The following ATAD2 variants were observed in gnomAD, a reference collection of about 807,000 sequenced individuals.
The protein encoded by ATAD2 is ATPase family AAA domain containing 2.
A neutral mutation model predicts 168.9 loss-of-function variants in ATAD2; 62 were observed. The observed-to-expected ratio is 0.37, with a 90% CI of 0.30 to 0.45. ATAD2 has a LOEUF of 0.45. ATAD2 is among the 20% of genes least tolerant of loss of function. The probability of loss-of-function intolerance (pLI) is 1.00; values close to 1 mark genes in which losing one functional copy is unlikely to be tolerated. For missense variants in ATAD2, 1,419 were observed against 1,667.8 expected, an observed-to-expected ratio of 0.85 and a Z score of 2.60; for synonymous variants, 613 against 571.6, an observed-to-expected ratio of 1.07 and a Z score of -1.03.
At chr8:123,373,019 A>T (rs1586892363) in intron 2 of ATAD2, among the ~76,000 whole-genome samples, 1 of 151,648 alleles carries the variant, frequency 6.6e-6, no homozygotes, top group Non-Finnish European at 1.5e-5. Flanking sequence ...CAGCTTCCCG[A>T]ATAGTTGGGA....
At chr8:123,328,679 A>T in intron 24 of ATAD2, 100 bp from the exon 25 acceptor site, 1 of 1,200,578 alleles carries the variant, frequency 8.3e-7, no homozygotes, top group Non-Finnish European at 1.1e-6. Flanking sequence ...AATAGTGAGA[A>T]ACCACAGTAT....
chr8:123,379,164 C>T (rs955447766), intron 2 of ATAD2, among the ~76,000 whole-genome samples: 2 of 152,062 alleles, frequency 1.3e-5, no homozygotes, highest in African/African-American at 4.8e-5. Context: ...CAAAGATATT[C>T]CAGTTCCATG....
chr8:123,396,448 GGCGCCACAAGCTCC>G, upstream of ATAD2: 1 of 1,343,096 alleles, frequency 7.4e-7, no homozygotes, highest in African/African-American at 1.5e-5. Context: ...TCCGAATTCT[GGCGCCACAAGCTCC>G]GCGCCAGCGG....
rs778259415 is a variant in ATAD2 at position 123,337,624 on chromosome 8, C to T, written c.3051+1G>A. The T allele has an allele frequency of 1.3e-6, 2 of 1,594,684 alleles. No individual in the cohort carries two copies. The highest frequency in any genetic ancestry group is 2.7e-5 in the African/African-American group (2 of 74,316). ...ACTTGATCCAAAGATTAAACTAATA[C>T]CTCATCAGGGTCAACAGGCTTAGTA... On this transcript the variant is annotated splice_donor_variant, in intron 21 of 27. Transcript: ENST00000287394. LOFTEE classifies it high-confidence loss of function.
rs1388184995 is a variant in ATAD2 at position 123,392,228 on chromosome 8, G to A, written c.171+3959C>T. ...AAAAAAAGTCAAAATCCAAGTCCCC[G>A]TGCAGTTACATTCTGATTGGGGAAG... On this transcript the variant is annotated intron_variant, in intron 1 of 27. Coordinates refer to ENST00000287394, the MANE Select transcript of ATAD2 (RefSeq NM_014109.4). 5.3e-5 allele frequency among the ~76,000 whole-genome samples: 8 copies of A among 152,188 alleles called. No homozygotes were observed. In the East Asian group the frequency reaches 7.7e-4, roughly 15 times the overall value.
At chr8:123,393,320 G>C (rs1362184551) in intron 1 of ATAD2, among the ~76,000 whole-genome samples, 1 of 152,078 alleles carries the variant, frequency 6.6e-6, no homozygotes, top group Non-Finnish European at 1.5e-5. Context: ...AGACCAGCCT[G>C]AGCAACATAG....
chr8:123,374,008 A>T (rs1411106754), intron 2 of ATAD2, among the ~76,000 whole-genome samples: 1 of 152,152 alleles, frequency 6.6e-6, no homozygotes, highest in African/African-American at 2.4e-5. Context: ...TATTCTCATT[A>T]ACAAAGTAAG....
In ATAD2 at chr8:123,326,015, G is replaced by T. The variant is rs770621563; in HGVS notation, c.3880C>A (p.Leu1294Met). The T allele has an allele frequency of 6.2e-7, 1 of 1,613,814 alleles. No individual in the cohort carries two copies. Among genetic ancestry groups the T allele is most frequent in the South Asian group, 1.1e-5 (1 of 91,012 alleles). Reference sequence around the variant, plus strand: ...GAACGTCTAGCTCGAGTCATTCGCAGAACACACATTTCTAGAATGAAAAAT... The same window carrying T: ...GAACGTCTAGCTCGAGTCATTCGCATAACACACATTTCTAGAATGAAAAAT... ...DENEGKEMCV[L>M]RMTRARRSQV... Residue 1294 changes from leucine to methionine, a missense_variant, in exon 26 of 28, where the codon CTG becomes ATG. Physicochemically the swap from Leu to Met is conservative, Grantham distance 15. This residue lies in a region of ATAD2 where 303 missense variants were observed against 304.3 expected (regional missense o/e 1.00). Transcript: ENST00000287394.
At chr8:123,387,905 T>C (rs925012397) in intron 1 of ATAD2, among the ~76,000 whole-genome samples, 5 of 152,194 alleles carry the variant, frequency 3.3e-5, no homozygotes, top group African/African-American at 4.8e-5. Context: ...AATTCAAATA[T>C]CAACAAATGA....
chr8:123,369,930 A>T lies in ATAD2; in HGVS notation c.822T>A (p.Asp274Glu), dbSNP rs774600107. The T allele has an allele frequency of 1.3e-6, 2 of 1,579,344 alleles. No individual in the cohort carries two copies. The highest frequency in any genetic ancestry group is 1.1e-5 in the South Asian group (1 of 90,320). ...CATCTTCATCATCTTCATCATCATC[A>T]TCATCATCATCATCGTCATCATCAT... The part of the protein sequence containing the change: ...DDDDDDDDDD[D>E]DDDEDDEDEE... Residue 274 changes from aspartate (D) to glutamate (E), a missense_variant, in exon 7 of 28, where the codon GAT (aspartate) becomes GAA (glutamate). Asp to Glu is a conservative substitution (Grantham distance 45). Transcript: ENST00000287394.
intron 2 of ATAD2, among the ~76,000 whole-genome samples, chr8:123,379,369 G>A (rs941726388): frequency 2.6e-5 from 4 of 152,070 alleles, no homozygotes; most frequent in South Asian, 2.1e-4. Flanking sequence ...ACAGAACTAC[G>A]ATTATGAATG....
chr8:123,340,886 A>C (rs1828041846), intron 19 of ATAD2, among the ~76,000 whole-genome samples: 2 of 152,166 alleles, frequency 1.3e-5, no homozygotes, highest in African/African-American at 4.8e-5. Context: ...CCAACATTGT[A>C]AATGCACTTA....
intron 1 of ATAD2, among the ~76,000 whole-genome samples, chr8:123,408,350 T>C (rs960875973): frequency 6.6e-6 from 1 of 152,140 alleles, no homozygotes; most frequent in Non-Finnish European, 1.5e-5. Context: ...CAATAAGGAT[T>C]CAGGCATGTG....
At chr8:123,380,983 C>T (rs1829478943) in intron 1 of ATAD2, 1 of 252,574 alleles carries the variant, frequency 4.0e-6, no homozygotes, top group Admixed American at 5.1e-5. Flanking sequence ...CGAAAAGTTG[C>T]AATAGTTTAT....
intron 26 of ATAD2, among the ~76,000 whole-genome samples, chr8:123,325,099 CTTT>C (rs761145398): frequency 1.7e-5 from 2 of 115,012 alleles, no homozygotes; most frequent in African/African-American, 6.8e-5. Flanking sequence ...AGTAATAATT[CTTT>C]TTTTTTTTTT....
intron 1 of ATAD2, among the ~76,000 whole-genome samples, chr8:123,413,016 T>C (rs938916275): frequency 2.0e-5 from 3 of 152,100 alleles, no homozygotes; most frequent in Admixed American, 2.0e-4. Flanking sequence ...AAATATGTAT[T>C]ACTTACAACT....
At chr8:123,362,362 T>G (rs1025979493) in intron 8 of ATAD2, among the ~76,000 whole-genome samples, 2 of 151,258 alleles carry the variant, frequency 1.3e-5, no homozygotes, top group African/African-American at 2.4e-5. Flanking sequence ...TATTACACTA[T>G]ACATAATATT....
At chr8:123,328,667 T>G (rs1395157268) in intron 24 of ATAD2, 88 bp from the exon 25 acceptor site, 1 of 1,294,562 alleles carries the variant, frequency 7.7e-7, no homozygotes, top group African/African-American at 1.5e-5. Context: ...TATGAAAGGA[T>G]AAATAGTGAG....
At chr8:123,409,428 A>G (rs376394649) in intron 1 of ATAD2, among the ~76,000 whole-genome samples, 2 of 152,308 alleles carry the variant, frequency 1.3e-5, no homozygotes, top group East Asian at 3.9e-4. Flanking sequence ...AAAATAGCAT[A>G]ATGCAAATCA....
Sources: allele counts gnomAD v4.1 joint callset (sites outside exome capture counted in the v4.1 genomes callset), GRCh38; gene constraint gnomAD v4.1.1; regional missense constraint gnomAD v4.1.1; transcripts MANE v1.5; gene names NCBI Gene and HGNC (gene_info 2026-07-23, HGNC 2026-07-21).